The following TSPAN9 variants were observed in gnomAD, a reference collection of about 807,000 sequenced individuals.
TSPAN9 encodes tetraspanin-9.
TSPAN9 carries 16 observed loss-of-function variants against 31.0 expected under a neutral mutation model. The ratio of observed to expected loss-of-function variants is 0.52; its 90% confidence interval spans 0.35 to 0.78. The LOEUF (loss-of-function observed/expected upper bound fraction) is 0.78, where lower values mean the gene tolerates loss of function less well. TSPAN9 is among the 30% of genes least tolerant of loss of function. The pLI, the probability that TSPAN9 is intolerant of heterozygous loss-of-function variation, is 0.01. For missense variants in TSPAN9, 272 were observed against 312.5 expected (o/e 0.87, Z 0.98); for synonymous variants, 145 against 121.6 (o/e 1.19, Z -1.27).
intron 3 of TSPAN9, among the ~76,000 whole-genome samples, chr12:3,237,320 AC>A (rs1453434342): frequency 8.7e-6 from 1 of 114,412 alleles, no homozygotes; most frequent in Non-Finnish European, 1.9e-5. Flanking sequence ...CTGATGACTT[AC>A]GATCAAAGAC....
chr12:3,176,952 A>G (rs1591661587), intron 2 of TSPAN9, among the ~76,000 whole-genome samples: 1 of 152,236 alleles, frequency 6.6e-6, no homozygotes, highest in Middle Eastern at 3.4e-3. Context: ...ATTAGCGGGA[A>G]GAGTACCATG....
chr12:3,132,833 A>G (rs1046139851), intron 2 of TSPAN9, among the ~76,000 whole-genome samples: 1 of 151,996 alleles, frequency 6.6e-6, no homozygotes, highest in African/African-American at 2.4e-5. Context: ...TCTCAGCCTC[A>G]TCGTCCCCAC....
intron 2 of TSPAN9, among the ~76,000 whole-genome samples, chr12:3,181,168 A>G (rs2098358406): frequency 6.6e-6 from 1 of 152,114 alleles, no homozygotes; most frequent in African/African-American, 2.4e-5. Context: ...CCTCTGCTTT[A>G]CTACTCCAGA....
intron 3 of TSPAN9, among the ~76,000 whole-genome samples, chr12:3,234,956 C>A (rs375930122): frequency 6.7e-6 from 1 of 149,162 alleles, no homozygotes; most frequent in Non-Finnish European, 1.5e-5. Context: ...GTCAGGAGAT[C>A]GAGACCATCC....
intron 3 of TSPAN9, among the ~76,000 whole-genome samples, chr12:3,209,462 G>A (rs2153973840): frequency 6.6e-6 from 1 of 152,200 alleles, no homozygotes; most frequent in Non-Finnish European, 1.5e-5. Flanking sequence ...TACATGTGGA[G>A]GCGTTTCTTT....
chr12:3,096,247 G>C (rs1297143682), intron 2 of TSPAN9, among the ~76,000 whole-genome samples: 1 of 152,204 alleles, frequency 6.6e-6, no homozygotes, highest in African/African-American at 2.4e-5. Context: ...GTAGGGACTG[G>C]TCTGTGCACC....
chr12:3,092,688 A>G (rs1321584384), intron 2 of TSPAN9, among the ~76,000 whole-genome samples: 1 of 152,026 alleles, frequency 6.6e-6, no homozygotes, highest in Non-Finnish European at 1.5e-5. Context: ...TTCATCATCC[A>G]CCTTACCCAC....
chr12:3,110,750 T>C (rs1173716255), intron 2 of TSPAN9, among the ~76,000 whole-genome samples: 1 of 152,228 alleles, frequency 6.6e-6, no homozygotes, highest in Non-Finnish European at 1.5e-5. Context: ...CAGACTGTTC[T>C]GATGTGCCAG....
intron 2 of TSPAN9, among the ~76,000 whole-genome samples, chr12:3,131,694 A>G (rs2098329889): frequency 6.6e-6 from 1 of 152,228 alleles, no homozygotes; most frequent in African/African-American, 2.4e-5. Context: ...CTCGTCGGAT[A>G]GGCCCTCAGG....
At chr12:3,140,523 G>C (rs1157319553) in intron 2 of TSPAN9, among the ~76,000 whole-genome samples, 2 of 152,184 alleles carry the variant, frequency 1.3e-5, no homozygotes, top group African/African-American at 2.4e-5. Context: ...CTGCAGAGGA[G>C]TCCCTGCAGG....
chr12:3,162,162 C>T (rs1032314472), intron 2 of TSPAN9, among the ~76,000 whole-genome samples: 8 of 152,156 alleles, frequency 5.3e-5, no homozygotes, highest in African/African-American at 1.4e-4. Context: ...GGCACCTCCC[C>T]CCACTGTCTT....
At chr12:3,112,082 C>A (rs562102204) in intron 2 of TSPAN9, among the ~76,000 whole-genome samples, 1 of 151,102 alleles carries the variant, frequency 6.6e-6, no homozygotes, top group Non-Finnish European at 1.5e-5. Flanking sequence ...AGGAATTTAT[C>A]CGTTTCTTCT....
At chr12:3,139,657 C>T (rs2098333831) in intron 2 of TSPAN9, among the ~76,000 whole-genome samples, 1 of 152,176 alleles carries the variant, frequency 6.6e-6, no homozygotes, top group African/African-American at 2.4e-5. Flanking sequence ...GTCGTTCTCC[C>T]ACCTCAGCCT....
intron 2 of TSPAN9, among the ~76,000 whole-genome samples, chr12:3,100,509 G>A (rs2098311402): frequency 6.6e-6 from 1 of 152,174 alleles, no homozygotes; most frequent in Non-Finnish European, 1.5e-5. Context: ...TGTTCCATTC[G>A]TCTGTCAGGG....
chr12:3,111,541 G>T (rs532555916), intron 2 of TSPAN9, among the ~76,000 whole-genome samples: 1 of 151,676 alleles, frequency 6.6e-6, no homozygotes, highest in African/African-American at 2.4e-5. Flanking sequence ...CTCCTTTACT[G>T]TGTGACACAA....
intron 3 of TSPAN9, among the ~76,000 whole-genome samples, chr12:3,202,958 G>A (rs557300597): frequency 6.6e-6 from 1 of 152,330 alleles, no homozygotes; most frequent in Admixed American, 6.5e-5. Flanking sequence ...CCAAGTACTG[G>A]TGTGTGCTTC....
At chr12:3,148,797 C>G (rs1484629239) in intron 2 of TSPAN9, among the ~76,000 whole-genome samples, 1 of 152,228 alleles carries the variant, frequency 6.6e-6, no homozygotes. Context: ...AGGGACTGCC[C>G]CATCCAGCTG....
chr12:3,108,762 T>A (rs1445113966), intron 2 of TSPAN9, among the ~76,000 whole-genome samples: 1 of 152,200 alleles, frequency 6.6e-6, no homozygotes, highest in African/African-American at 2.4e-5. Flanking sequence ...TTCTTCCACT[T>A]TATCTTCCGG....
chr12:3,219,707 C>T (rs572852849), intron 3 of TSPAN9, among the ~76,000 whole-genome samples: 11 of 151,916 alleles, frequency 7.2e-5, no homozygotes, highest in African/African-American at 2.2e-4. Flanking sequence ...TGGGGCCTGT[C>T]GGGGGGTGAG....
Sources: allele counts gnomAD v4.1 joint callset (sites outside exome capture counted in the v4.1 genomes callset), GRCh38; gene constraint gnomAD v4.1.1; transcripts MANE v1.5; gene names NCBI Gene and HGNC (gene_info 2026-07-23, HGNC 2026-07-21).